Variants in CCDC171 observed in about 807,000 individuals in gnomAD.
CCDC171 encodes coiled-coil domain-containing protein 171.
In CCDC171, 177 loss-of-function variants were observed where a neutral mutation model predicts 168.2. That is an observed-to-expected ratio of 1.05 (90% CI 0.93 to 1.19). The LOEUF (loss-of-function observed/expected upper bound fraction) is 1.19, where lower values mean the gene tolerates loss of function less well. CCDC171 is among the 50% of genes most tolerant of loss of function. The pLI is 0.00. For synonymous variants in CCDC171, 687 were observed against 540.8 expected (o/e 1.27, Z -3.75); for missense variants, 1,991 against 1,539.0 (o/e 1.29, Z -4.91).
At chr9:15,879,742 T>C (rs1315753099) in intron 24 of CCDC171, among the ~76,000 whole-genome samples, 1 of 152,166 alleles carries the variant, frequency 6.6e-6, no homozygotes, top group Non-Finnish European at 1.5e-5. Context: ...TTTGAAGTTA[T>C]TTTGAGTTTT....
At chr9:15,780,238 C>T (rs561630335) in intron 20 of CCDC171, among the ~76,000 whole-genome samples, 67 of 152,152 alleles carry the variant, frequency 4.4e-4, no homozygotes, top group African/African-American at 1.4e-3. Flanking sequence ...GGTTTCTTTT[C>T]GGTAAATGTC....
intron 16 of CCDC171, among the ~76,000 whole-genome samples, chr9:15,737,499 A>G (rs946103198): frequency 6.6e-6 from 1 of 152,156 alleles, no homozygotes; most frequent in African/African-American, 2.4e-5. Flanking sequence ...CAGAATTTAG[A>G]GGTAATATTG....
chr9:15,836,957 A>T (rs75213601), intron 21 of CCDC171, among the ~76,000 whole-genome samples: 1 of 152,166 alleles, frequency 6.6e-6, no homozygotes, highest in South Asian at 2.1e-4. Context: ...GAAATAATTA[A>T]TCTTCTTTCT....
chr9:15,977,790 C>T (rs139484306), downstream of CCDC171, among the ~76,000 whole-genome samples: 287 of 152,240 alleles, frequency 1.9e-3, no homozygotes, highest in African/African-American at 5.4e-3. Flanking sequence ...ATCAGATATT[C>T]ATAAACATTC....
At position 15,581,433 on chromosome 9, in the gene CCDC171, T is replaced by G. The variant is rs1329742204; in HGVS notation, c.352+2410T>G. On this transcript the variant is annotated intron_variant, in intron 4 of 25. Transcript: ENST00000380701. ...TTCACAGAACTGGAAAAAACTACTT[T>G]AAAGTTCATATGGAACCAAAAAAGA... Among the ~76,000 whole-genome samples, 9 of 152,244 alleles carry G rather than the reference T, an allele frequency of 5.9e-5. No homozygotes were observed. In the South Asian group the frequency reaches 6.2e-4, roughly 11 times the overall value.
At chr9:16,086,715 A>G in the CCDC171 span, among the ~76,000 whole-genome samples, 1 of 152,044 alleles carries the variant, frequency 6.6e-6, no homozygotes. Context: ...TATCTCCTTC[A>G]GTTTGGCTCC....
chr9:15,647,273 G>C (rs1285616734), intron 7 of CCDC171, among the ~76,000 whole-genome samples: 1 of 151,964 alleles, frequency 6.6e-6, no homozygotes, highest in Non-Finnish European at 1.5e-5. Flanking sequence ...GAAATATATA[G>C]CACTAAATGC....
At chr9:15,722,872 C>T (rs749070433) in intron 12 of CCDC171, among the ~76,000 whole-genome samples, 59 of 152,156 alleles carry the variant, frequency 3.9e-4, no homozygotes, top group Non-Finnish European at 7.6e-4. Flanking sequence ...CCCAGTGAGA[C>T]AAGACAACCT....
At chr9:15,992,953 A>G (rs1000993271) in intron 3 of CCDC171, among the ~76,000 whole-genome samples, 2 of 152,244 alleles carry the variant, frequency 1.3e-5, no homozygotes, top group African/African-American at 4.8e-5. Context: ...GAGGACACAA[A>G]CAAATGGAAG....
In CCDC171 at chr9:15,983,815, AGAGTGT is replaced by A. The variant is rs1037680115; in HGVS notation, n.369-36772_369-36767del. Among the ~76,000 whole-genome samples, 176 of 124,572 alleles carry A rather than the reference AGAGTGT, an allele frequency of 1.4e-3. 1 individual carries two copies. The highest frequency in any genetic ancestry group is 4.7e-3 in the African/African-American group (163 of 34,576). 81.7% of individuals were successfully genotyped at this position (124,572 alleles called of 152,430 possible). A position where few individuals can be genotyped will look rare whatever the true frequency, so the allele number is the denominator to read the frequency against. ...GTAGGGAGGCAAGAGCTAAATAAAG[AGAGTGT>A]GTGTGTGTGTGTGTGTGTGTGTGTG... On this transcript the variant is annotated intron_variant and non_coding_transcript_variant, in intron 3 of 9. Transcript: ENST00000486641.
At chr9:15,967,170 A>C (rs1444671917) in intron 25 of CCDC171, among the ~76,000 whole-genome samples, 1 of 152,164 alleles carries the variant, frequency 6.6e-6, no homozygotes, top group African/African-American at 2.4e-5. Flanking sequence ...AAACTTTGTG[A>C]CACTGAGTAT....
Position 15,744,345 on chromosome 9 carries a change from C to T in CCDC171, c.2122C>T (p.Leu708Phe), listed in dbSNP as rs144600578. 1.2e-6 allele frequency: 2 copies of T among 1,613,768 alleles called. No individual in the cohort carries two copies. The highest frequency in any genetic ancestry group is 1.7e-6 in the Non-Finnish European group (2 of 1,179,896). Residue 708 changes from leucine to phenylalanine, a missense_variant, in exon 17 of 26, where the codon CTT becomes TTT. Leu to Phe is a conservative substitution (Grantham distance 22, BLOSUM62 0). Coordinates refer to ENST00000380701, the MANE Select transcript of CCDC171 (RefSeq NM_173550.4). ...TGAGAAGTCACATGAACAGTTGGTT[C>T]TTGAAAATTCGCACTTCAAAAAACT... ...HIEKSHEQLV[L>F]ENSHFKKLLS...
downstream of CCDC171, among the ~76,000 whole-genome samples, chr9:15,975,967 T>C (rs1831608366): frequency 6.6e-6 from 1 of 151,938 alleles, no homozygotes; most frequent in African/African-American, 2.4e-5. Context: ...GGTGCAGGGG[T>C]TAGTTTGACT....
At chr9:15,825,424 A>G (rs2059971258) in intron 21 of CCDC171, among the ~76,000 whole-genome samples, 1 of 152,164 alleles carries the variant, frequency 6.6e-6, no homozygotes, top group Non-Finnish European at 1.5e-5. Flanking sequence ...GATGCTTTAC[A>G]TACGTTCTCT....
At chr9:15,800,809 C>G (rs1381902069) in intron 21 of CCDC171, among the ~76,000 whole-genome samples, 3 of 151,990 alleles carry the variant, frequency 2.0e-5, no homozygotes, top group African/African-American at 4.8e-5. Flanking sequence ...AGATAAGGGT[C>G]TAGTTTCATT....
At chr9:15,802,020 T>C in intron 21 of CCDC171, among the ~76,000 whole-genome samples, 1 of 152,054 alleles carries the variant, frequency 6.6e-6, no homozygotes, top group Non-Finnish European at 1.5e-5. Context: ...TTTGGTTTGC[T>C]AATATTCTGT....
downstream of CCDC171, among the ~76,000 whole-genome samples, chr9:15,975,689 T>C (rs574546210): frequency 3.5e-4 from 53 of 152,288 alleles, no homozygotes; most frequent in Admixed American, 1.2e-3. Context: ...TAATGACATA[T>C]GCCAAATAAA....
downstream of CCDC171, among the ~76,000 whole-genome samples, chr9:16,065,772 C>T (rs751883192): frequency 9.2e-5 from 14 of 151,572 alleles, no homozygotes; most frequent in Non-Finnish European, 1.8e-4. Context: ...GTTTTCCTAT[C>T]TGTGAAATCA....
chr9:15,666,472 A>G lies in CCDC171; in HGVS notation c.1076+149A>G. 4 of 566,180 alleles carry G rather than the reference A, an allele frequency of 7.1e-6. No homozygotes were observed. The South Asian group carries it at 1.1e-4, about 16-fold the overall frequency. The allele number at this position is 566,180 out of a possible 1,614,324, so 35.1% of individuals were successfully genotyped here. On this transcript the variant is annotated intron_variant, in intron 9 of 25. Coordinates refer to ENST00000380701, the MANE Select transcript of CCDC171 (RefSeq NM_173550.4). ...AAGTGACTTCATAAAACATAACTAT[A>G]CTTTCCTGTATAGGTAAAAATGGAA... is the stretch of plus-strand genomic sequence containing the variant.
Sources: gnomAD v4.1 joint callset for allele counts (sites outside exome capture counted in the v4.1 genomes callset) on GRCh38, gnomAD v4.1.1 for gene constraint, MANE v1.5 for transcripts, NCBI Gene and HGNC (gene_info 2026-07-23, HGNC 2026-07-21) for gene names.